The following DLG2 variants were observed in gnomAD, a reference collection of about 807,000 sequenced individuals.
DLG2 encodes discs large MAGUK scaffold protein 2, also known as disks large homolog 2.
DLG2 carries 45 observed loss-of-function variants against 132.5 expected under a neutral mutation model. The observed-to-expected ratio is 0.34, with a 90% CI of 0.27 to 0.44. The LOEUF is 0.44. Among genes scored for constraint, DLG2 ranks in the 20% least tolerant of loss-of-function variants. The probability of loss-of-function intolerance (pLI) is 1.00; values close to 1 mark genes in which losing one functional copy is unlikely to be tolerated. For synonymous variants in DLG2, 424 were observed against 419.6 expected, an observed-to-expected ratio of 1.01 and a Z score of -0.13; for missense variants, 1,045 against 1,196.9, an observed-to-expected ratio of 0.87 and a Z score of 1.87.
chr11:84,505,001 C>G (rs1410181323), intron 7 of DLG2, among the ~76,000 whole-genome samples: 1 of 152,044 alleles, frequency 6.6e-6, no homozygotes, highest in Non-Finnish European at 1.5e-5. Flanking sequence ...CTTTTATATT[C>G]TTTTACGTCA....
At chr11:84,070,246 T>C (rs892053540) in intron 10 of DLG2, among the ~76,000 whole-genome samples, 2 of 152,224 alleles carry the variant, frequency 1.3e-5, no homozygotes. Context: ...CCCCTTTTTA[T>C]ACCTCTTACT....
intron 18 of DLG2, among the ~76,000 whole-genome samples, chr11:83,785,176 T>A (rs1465103243): frequency 6.6e-6 from 1 of 152,040 alleles, no homozygotes; most frequent in Non-Finnish European, 1.5e-5. Context: ...TGCCTCAGCC[T>A]CCTGAGTAGC....
chr11:83,487,957 T>C (rs1413253255), intron 21 of DLG2, among the ~76,000 whole-genome samples: 1 of 151,888 alleles, frequency 6.6e-6, no homozygotes. Flanking sequence ...CCAAGGTTTT[T>C]TTTAGGGGAG....
intron 2 of DLG2, among the ~76,000 whole-genome samples, chr11:85,614,317 GTTTTT>G (rs771726799): frequency 9.0e-4 from 133 of 148,536 alleles, no homozygotes; most frequent in African/African-American, 3.1e-3. Context: ...CTTGAACCAG[GTTTTT>G]TTTTTTTTTT....
chr11:83,655,959 A>C (rs943981122), intron 18 of DLG2, among the ~76,000 whole-genome samples: 6 of 152,232 alleles, frequency 3.9e-5, no homozygotes, highest in African/African-American at 1.2e-4. Flanking sequence ...AAAGATGCCT[A>C]AACAGTGCAG....
chr11:84,333,670 G>A (rs1311827236), intron 7 of DLG2, among the ~76,000 whole-genome samples: 1 of 151,902 alleles, frequency 6.6e-6, no homozygotes, highest in Non-Finnish European at 1.5e-5. Context: ...CTTTGTCTCT[G>A]GCCAAAAAAA....
At chr11:83,724,472 TGTGTGAGAGA>T (rs1175950065) in intron 18 of DLG2, among the ~76,000 whole-genome samples, 3 of 97,530 alleles carry the variant, frequency 3.1e-5, no homozygotes, top group Admixed American at 1.3e-4. Flanking sequence ...TGTGTGTGTG[TGTGTGAGAGA>T]GAGAGAGAGA....
chr11:84,475,322 T>C (rs1337185230), intron 7 of DLG2, among the ~76,000 whole-genome samples: 1 of 152,110 alleles, frequency 6.6e-6, no homozygotes, highest in African/African-American at 2.4e-5. Context: ...CAATAAGCAT[T>C]TGGGGAGAAA....
chr11:83,611,341 T>C (rs989454482), intron 19 of DLG2, among the ~76,000 whole-genome samples: 8 of 152,214 alleles, frequency 5.3e-5, no homozygotes, highest in African/African-American at 1.9e-4. Flanking sequence ...TTCAATTCAC[T>C]GCTTCCAGGA....
At chr11:84,796,480 T>C (rs545179223) in intron 6 of DLG2, among the ~76,000 whole-genome samples, 9 of 152,334 alleles carry the variant, frequency 5.9e-5, no homozygotes, top group African/African-American at 2.2e-4. Flanking sequence ...TGCTTACTAT[T>C]ACCAGTGAGT....
chr11:85,412,725 T>TCACACACA (rs542505541), intron 3 of DLG2, among the ~76,000 whole-genome samples: 4,436 of 91,934 alleles, frequency 0.048, 142 homozygotes, highest in Middle Eastern at 0.054. Flanking sequence ...GAGCAGTATT[T>TCACACACA]CACACACACA....
At chr11:83,842,653 A>T (rs2057848607) in intron 16 of DLG2, among the ~76,000 whole-genome samples, 3 of 151,700 alleles carry the variant, frequency 2.0e-5, no homozygotes, top group African/African-American at 7.3e-5. Context: ...CGTCTCTACT[A>T]AAAATACAAA....
chr11:84,791,240 C>T (rs2073804302), intron 6 of DLG2, among the ~76,000 whole-genome samples: 2 of 152,146 alleles, frequency 1.3e-5, no homozygotes, highest in South Asian at 4.1e-4. Context: ...TCAACACCAG[C>T]TGAAGATTAC....
intron 3 of DLG2, among the ~76,000 whole-genome samples, chr11:85,319,507 T>G (rs1405802839): frequency 6.6e-6 from 1 of 151,830 alleles, no homozygotes; most frequent in East Asian, 1.9e-4. Flanking sequence ...ATCATATAAT[T>G]TGTATAAACA....
Position 83,455,339 on chromosome 11 carries a change from C to CT in DLG2, c.*4478_*4479insA, listed in dbSNP as rs1438163838. Reference sequence around the variant, plus strand: ...CCTGTGCTACAGCTCGGTGGAGAAACATCCTGTCAGAGAGAAGCACAAAAC... The same window carrying CT: ...CCTGTGCTACAGCTCGGTGGAGAAACTATCCTGTCAGAGAGAAGCACAAAAC... On this transcript the variant is annotated 3_prime_UTR_variant, in exon 28 of 28. Transcript: ENST00000376104. 1 of 152,566 alleles carries CT rather than the reference C, an allele frequency of 6.6e-6. No homozygotes were observed. Among genetic ancestry groups the CT allele is most frequent in the Non-Finnish European group, 1.5e-5 (1 of 68,052 alleles). 9.5% of individuals were successfully genotyped at this position (152,566 alleles called of 1,614,324 possible).
intron 4 of DLG2, among the ~76,000 whole-genome samples, chr11:85,161,696 A>G (rs961111066): frequency 6.6e-5 from 10 of 152,194 alleles, no homozygotes; most frequent in Admixed American, 2.6e-4. Flanking sequence ...GCTCATGCTC[A>G]TGCTCACTGG....
At chr11:84,277,287 G>A (rs2097791671) in intron 7 of DLG2, among the ~76,000 whole-genome samples, 1 of 152,068 alleles carries the variant, frequency 6.6e-6, no homozygotes, top group South Asian at 2.1e-4. Flanking sequence ...ATTTTTAAGT[G>A]CTCAAATAGT....
intron 6 of DLG2, among the ~76,000 whole-genome samples, chr11:84,891,246 G>A (rs541359045): frequency 6.6e-6 from 1 of 152,108 alleles, no homozygotes; most frequent in South Asian, 2.1e-4. Flanking sequence ...CACATGTACA[G>A]CATATGTATG....
chr11:84,643,092 T>A (rs1334080112), intron 6 of DLG2, among the ~76,000 whole-genome samples: 1 of 152,210 alleles, frequency 6.6e-6, no homozygotes, highest in Non-Finnish European at 1.5e-5. Context: ...TTTCCATCAC[T>A]ATGTAGACAC....
Sources: gnomAD v4.1 joint callset for allele counts (sites outside exome capture counted in the v4.1 genomes callset) on GRCh38, gnomAD v4.1.1 for gene constraint, MANE v1.5 for transcripts, NCBI Gene and HGNC (gene_info 2026-07-23, HGNC 2026-07-21) for gene names.